TRIM54: variants seen among roughly 807,000 people sequenced by gnomAD.
TRIM54 encodes the protein tripartite motif containing 54.
Under a neutral mutation model 42.0 loss-of-function variants are expected in TRIM54, and 40 were observed. The observed-to-expected ratio is 0.95, with a 90% confidence interval of 0.74 to 1.24. TRIM54 has a LOEUF of 1.24. Ranked by LOEUF, TRIM54 falls within the 50% of genes most tolerant of loss-of-function variation. The pLI is 0.00. For synonymous variants in TRIM54, 199 were observed against 194.9 expected (o/e 1.02, Z -0.17); for missense variants, 485 against 480.3 (o/e 1.01, Z -0.09).
rs956741925 is a variant in TRIM54 at position 27,306,695 on chromosome 2, A to G, written c.*1+153A>G. 1.3e-5 allele frequency among the ~76,000 whole-genome samples: 2 copies of G among 152,082 alleles called. No homozygotes were observed. Among genetic ancestry groups the G allele is most frequent in the Non-Finnish European group, 2.9e-5 (2 of 67,992 alleles). On this transcript the variant is annotated intron_variant, in intron 8 of 8. Coordinates refer to ENST00000380075, the MANE Select transcript of TRIM54 (RefSeq NM_187841.3). The surrounding 1 kb of genome is among the most constrained non-coding windows in gnomAD (Gnocchi z 6.1). The stretch of plus-strand genomic sequence containing the variant: ...CTCGGTGCAACCCAACCCCGGAGCC[A>G]CAAAGGCGCGCCCCCTAGGGCGGAA...
At position 27,299,429 on chromosome 2, in the gene TRIM54, G is replaced by A; in HGVS notation, c.513+13G>A. The A allele has an allele frequency of 6.2e-7, 1 of 1,612,326 alleles. No homozygotes were observed. Among genetic ancestry groups the A allele is most frequent in the Non-Finnish European group, 8.5e-7 (1 of 1,179,448 alleles). On this transcript the variant is annotated intron_variant, in intron 3 of 8. Transcript: ENST00000380075. The stretch of plus-strand genomic sequence containing the variant: ...CAAACGCCAGAAGGTATCAAACAGG[G>A]GAGGGAGTAGATATGTGAGAGATGG...
At position 27,294,634 on chromosome 2, in the gene TRIM54, G is replaced by T. The variant is rs113908184; in HGVS notation, c.169-3933G>T. ...GGGCCAGGCATGGTGGCTCACGCCT[G>T]TAATCCCAGCACTTTGGGAGGCTGA... On this transcript the variant is annotated intron_variant, in intron 1 of 8. Transcript: ENST00000380075. 7.8e-3 allele frequency among the ~76,000 whole-genome samples: 1,181 copies of T among 152,162 alleles called. 22 individuals carry two copies. The highest frequency in any genetic ancestry group is 0.027 in the African/African-American group (1,114 of 41,548).
intron 1 of TRIM54, 130 bp downstream of exon 1, chr2:27,283,029 T>A: frequency 9.3e-7 from 1 of 1,074,066 alleles, no homozygotes; most frequent in Non-Finnish European, 1.3e-6. Context: ...CTGTTGTGGC[T>A]GGAGAGCAGA....
chr2:27,289,773 T>C (rs1309245014), intron 1 of TRIM54, among the ~76,000 whole-genome samples: 1 of 151,184 alleles, frequency 6.6e-6, no homozygotes, highest in East Asian at 1.9e-4. Context: ...TCTCAGGTAC[T>C]CAGGAGGCTG....
rs375623603 is a variant in TRIM54 at position 27,303,629 on chromosome 2, T to C, written c.514-1330T>C. ...AAGCAGTAAATTGCGCCACCTGGCTTTCAACAGAGGCAAATGCAAATACTG... is the reference window on the plus strand; with the variant it reads ...AAGCAGTAAATTGCGCCACCTGGCTCTCAACAGAGGCAAATGCAAATACTG... On this transcript the variant is annotated intron_variant, in intron 3 of 8. Transcript: ENST00000380075. Among the ~76,000 whole-genome samples the C allele has an allele frequency of 2.6e-5, 4 of 152,202 alleles. No homozygotes were observed. In the East Asian group the frequency reaches 7.7e-4, roughly 29 times the overall value.
At chr2:27,290,980 T>C (rs1678703991) in intron 1 of TRIM54, among the ~76,000 whole-genome samples, 1 of 152,206 alleles carries the variant, frequency 6.6e-6, no homozygotes, top group Non-Finnish European at 1.5e-5. Flanking sequence ...GGTTAGCAAA[T>C]TTCATTCTTA....
At chr2:27,287,116 T>A (rs1312319261) in intron 1 of TRIM54, among the ~76,000 whole-genome samples, 1 of 152,240 alleles carries the variant, frequency 6.6e-6, no homozygotes, top group East Asian at 1.9e-4. Context: ...TCTGACGGGT[T>A]TCTTTGTTAA....
intron 1 of TRIM54, among the ~76,000 whole-genome samples, chr2:27,294,889 C>T: frequency 1.9e-5 from 1 of 52,826 alleles, no homozygotes; most frequent in Non-Finnish European, 3.6e-5. Context: ...GACTCCATCT[C>T]AAAAAAAAAA....
chr2:27,288,080 G>C (rs1678627056), intron 1 of TRIM54, among the ~76,000 whole-genome samples: 1 of 152,304 alleles, frequency 6.6e-6, no homozygotes, highest in African/African-American at 2.4e-5. Flanking sequence ...TATACCTGCA[G>C]CTCAGCTTTT....
intron 1 of TRIM54, among the ~76,000 whole-genome samples, chr2:27,289,860 CTTTTTTTTTTT>C (rs756771152): frequency 1.5e-4 from 15 of 100,630 alleles, no homozygotes; most frequent in South Asian, 7.3e-4. Context: ...CTCTCTTTCT[CTTTTTTTTTTT>C]TTTTTTTTTT....
At chr2:27,300,406 C>G (rs10175764) in intron 3 of TRIM54, among the ~76,000 whole-genome samples, 7,627 of 151,952 alleles carry the variant, frequency 0.05, 609 homozygotes, top group African/African-American at 0.17. Flanking sequence ...CTCCTGACCT[C>G]AGGTGATCCA....
intron 1 of TRIM54, among the ~76,000 whole-genome samples, chr2:27,283,984 T>G (rs1420175460): frequency 6.6e-6 from 1 of 151,962 alleles, no homozygotes; most frequent in African/African-American, 2.4e-5. Context: ...AATACAAAAA[T>G]TAGCCGGGCG....
At chr2:27,286,565 C>T (rs1471755847) in intron 1 of TRIM54, among the ~76,000 whole-genome samples, 4 of 152,186 alleles carry the variant, frequency 2.6e-5, no homozygotes, top group Admixed American at 6.5e-5. Flanking sequence ...CACTCCTAAA[C>T]GGCTTTAAAG....
intron 1 of TRIM54, among the ~76,000 whole-genome samples, chr2:27,291,617 A>G (rs1398695246): frequency 1.3e-5 from 2 of 152,242 alleles, no homozygotes; most frequent in Non-Finnish European, 2.9e-5. Context: ...GGCCCTGGAA[A>G]GTCTGAAGGA....
intron 3 of TRIM54, chr2:27,299,686 A>G (rs1178505007): frequency 1.7e-6 from 1 of 606,008 alleles, no homozygotes; most frequent in Non-Finnish European, 2.9e-6. Context: ...CTATCTATCT[A>G]TCTATCTATC....
Position 27,305,638 on chromosome 2 carries a change from G to A in TRIM54, c.664G>A (p.Ala222Thr), listed in dbSNP as rs766017338. 14 of 1,613,638 alleles carry A rather than the reference G, an allele frequency of 8.7e-6. No homozygotes were observed. The highest frequency in any genetic ancestry group is 2.2e-5 in the East Asian group (1 of 44,896). ...LLNQRFESLC[A>T]VLEERKGELL... ...AAACCAGAGGTTTGAGAGCCTGTGC[G>A]CAGTGCTGGAGGAGCGCAAGGGTGA... Residue 222 changes from alanine to threonine, a missense_variant, in exon 5 of 9, where the codon GCA (alanine) becomes ACA (threonine). Ala to Thr is a moderately conservative substitution (Grantham distance 58). Transcript: ENST00000380075.
intron 3 of TRIM54, chr2:27,299,666 G>T (rs1234357729): frequency 4.6e-6 from 3 of 657,968 alleles, no homozygotes; most frequent in Non-Finnish European, 7.8e-6. Context: ...GTGAGCCACC[G>T]CACTCAGCCC....
At chr2:27,298,052 TC>T (rs1429818252) in intron 1 of TRIM54, among the ~76,000 whole-genome samples, 1 of 150,976 alleles carries the variant, frequency 6.6e-6, no homozygotes. Context: ...ACTCCTGACT[TC>T]CAGTTCCTGG....
chr2:27,302,651 C>T (rs531342711), intron 3 of TRIM54, among the ~76,000 whole-genome samples: 1 of 151,726 alleles, frequency 6.6e-6, no homozygotes, highest in African/African-American at 2.4e-5. Context: ...ATTAGCTGGG[C>T]ATGGTGGCAG....
Sources: allele counts gnomAD v4.1 joint callset (sites outside exome capture counted in the v4.1 genomes callset), GRCh38; gene constraint gnomAD v4.1.1; non-coding constraint Gnocchi (gnomAD v3.1); transcripts MANE v1.5; gene names NCBI Gene and HGNC (gene_info 2026-07-23, HGNC 2026-07-21).